NLGN1: variants seen among roughly 807,000 people sequenced by gnomAD.
NLGN1 encodes the protein neuroligin-1.
Under a neutral mutation model 65.5 loss-of-function variants are expected in NLGN1, and 12 were observed. The observed-to-expected ratio is 0.18, with a 90% confidence interval of 0.12 to 0.30. The LOEUF is 0.30. Among genes scored for constraint, NLGN1 ranks in the 10% least tolerant of loss-of-function variants. NLGN1 has a pLI of 1.00. For missense variants in NLGN1, 750 were observed against 1,007.1 expected (o/e 0.74, Z 3.46); for synonymous variants, 350 against 359.5 (o/e 0.97, Z 0.30).
At chr3:174,232,459 C>G (rs996735063) in intron 4 of NLGN1, among the ~76,000 whole-genome samples, 1 of 152,102 alleles carries the variant, frequency 6.6e-6, no homozygotes, top group Non-Finnish European at 1.5e-5. Flanking sequence ...GCTGTTGGCC[C>G]TCTAAAGGTT....
At chr3:174,101,903 A>G (rs959144548) in intron 4 of NLGN1, among the ~76,000 whole-genome samples, 1 of 152,152 alleles carries the variant, frequency 6.6e-6, no homozygotes, top group Non-Finnish European at 1.5e-5. Context: ...AAATTACCCT[A>G]TTTCCAATCG....
intron 2 of NLGN1, among the ~76,000 whole-genome samples, chr3:173,603,691 C>T (rs1265708950): frequency 6.6e-6 from 1 of 151,978 alleles, no homozygotes; most frequent in Non-Finnish European, 1.5e-5. Flanking sequence ...TTTATGAAAA[C>T]ATTTGAGATA....
chr3:173,604,980 G>A (rs1232327832), exon 3 of NLGN1: 1 of 1,613,708 alleles, frequency 6.2e-7, no homozygotes, highest in East Asian at 2.2e-5. Context: ...CAGATTGCCA[G>A]AAGTCATGCT....
At chr3:174,096,666 T>C (rs2152569636) in intron 4 of NLGN1, among the ~76,000 whole-genome samples, 1 of 152,292 alleles carries the variant, frequency 6.6e-6, no homozygotes, top group East Asian at 1.9e-4. Flanking sequence ...ATAACATGAT[T>C]TGTAACACTA....
At chr3:173,600,291 A>G (rs980538626) in intron 2 of NLGN1, among the ~76,000 whole-genome samples, 1 of 151,992 alleles carries the variant, frequency 6.6e-6, no homozygotes, top group African/African-American at 2.4e-5. Flanking sequence ...ACTATAGAAC[A>G]TAACTACCAT....
exon 7 of NLGN1, chr3:174,282,229 C>A (rs145453166): frequency 4.6e-5 from 7 of 152,008 alleles, no homozygotes; most frequent in Admixed American, 1.3e-4. Flanking sequence ...AGAAATATAA[C>A]CCTAATTGGA....
At chr3:173,503,550 G>T (rs1340630866) in intron 2 of NLGN1, among the ~76,000 whole-genome samples, 1 of 152,006 alleles carries the variant, frequency 6.6e-6, no homozygotes, top group South Asian at 2.1e-4. Context: ...ATTTGTAGAA[G>T]ATTTTACTTT....
At chr3:174,070,128 T>C (rs1369331827) in intron 4 of NLGN1, among the ~76,000 whole-genome samples, 1 of 152,114 alleles carries the variant, frequency 6.6e-6, no homozygotes, top group Admixed American at 6.6e-5. Flanking sequence ...TGGAAGGAGT[T>C]AGAAGCAACA....
chr3:173,824,856 T>C (rs1484229362), intron 4 of NLGN1, among the ~76,000 whole-genome samples: 1 of 152,120 alleles, frequency 6.6e-6, no homozygotes, highest in African/African-American at 2.4e-5. Flanking sequence ...TTTCCTCTTA[T>C]TAACCGTATG....
chr3:173,834,292 T>C (rs1041951983), intron 4 of NLGN1, among the ~76,000 whole-genome samples: 13 of 152,188 alleles, frequency 8.5e-5, no homozygotes, highest in African/African-American at 3.1e-4. Context: ...ATGGTGGGCA[T>C]GGCTAAACTC....
At chr3:174,197,686 G>A (rs1220993094) in intron 4 of NLGN1, among the ~76,000 whole-genome samples, 3 of 150,422 alleles carry the variant, frequency 2.0e-5, no homozygotes, top group African/African-American at 7.4e-5. Context: ...AATAAAAATA[G>A]GTACGGGCAG....
chr3:174,001,397 C>T (rs1723261045), intron 4 of NLGN1, among the ~76,000 whole-genome samples: 1 of 151,904 alleles, frequency 6.6e-6, no homozygotes, highest in Non-Finnish European at 1.5e-5. Context: ...AACATAAACT[C>T]ACCTTTAGAT....
chr3:173,867,415 A>G (rs1209273579), intron 4 of NLGN1, among the ~76,000 whole-genome samples: 1 of 152,164 alleles, frequency 6.6e-6, no homozygotes, highest in African/African-American at 2.4e-5. Context: ...TATAACTGGC[A>G]ATTTGTGTTA....
At chr3:173,960,654 A>G (rs1713319141) in intron 4 of NLGN1, among the ~76,000 whole-genome samples, 1 of 152,016 alleles carries the variant, frequency 6.6e-6, no homozygotes, top group Non-Finnish European at 1.5e-5. Flanking sequence ...TCATTTAAAT[A>G]TAAACTATAC....
At chr3:174,075,069 G>C (rs1159873693) in intron 4 of NLGN1, among the ~76,000 whole-genome samples, 1 of 152,116 alleles carries the variant, frequency 6.6e-6, no homozygotes, top group East Asian at 1.9e-4. Flanking sequence ...TCTTGGAGTG[G>C]CTAACAGACC....
At chr3:174,232,536 T>C (rs1740917233) in intron 4 of NLGN1, among the ~76,000 whole-genome samples, 1 of 152,184 alleles carries the variant, frequency 6.6e-6, no homozygotes, top group Non-Finnish European at 1.5e-5. Flanking sequence ...TTAACATGTA[T>C]ACATGGGACC....
At position 173,528,935 on chromosome 3, in the gene NLGN1, C is replaced by T. The variant is rs1736093646; in HGVS notation, c.-320-75344C>T. Among the ~76,000 whole-genome samples the T allele has an allele frequency of 3.3e-5, 5 of 151,926 alleles. No individual in the cohort carries two copies. The South Asian group carries it at 1.0e-3, about 32-fold the overall frequency. On this transcript the variant is annotated intron_variant, in intron 2 of 6. Transcript: ENST00000457714. ...TATACTTTGAATTTTTATGTAATTT[C>T]CGAATTTTCATTTTGGTTAGGGTCC...
At chr3:173,830,690 A>G (rs1054154430) in intron 4 of NLGN1, among the ~76,000 whole-genome samples, 20 of 152,210 alleles carry the variant, frequency 1.3e-4, no homozygotes, top group Non-Finnish European at 2.4e-4. Context: ...AAAATAAAAA[A>G]TCTTCTAGAA....
At chr3:173,804,500 A>G (rs570686799) in intron 3 of NLGN1, among the ~76,000 whole-genome samples, 100 of 152,250 alleles carry the variant, frequency 6.6e-4, no homozygotes, top group African/African-American at 2.4e-3. Context: ...CACAGAAGAT[A>G]AATGCCCCCT....
Sources: allele counts gnomAD v4.1 joint callset (sites outside exome capture counted in the v4.1 genomes callset), GRCh38; gene constraint gnomAD v4.1.1; transcripts MANE v1.5; gene names NCBI Gene and HGNC (gene_info 2026-07-23, HGNC 2026-07-21).